Variants in ARHGEF3 observed in about 807,000 individuals in gnomAD.
The protein encoded by ARHGEF3 is Rho guanine nucleotide exchange factor 3.
ARHGEF3 carries 28 observed loss-of-function variants against 63.2 expected under a neutral mutation model. That is an observed-to-expected ratio of 0.44 (90% CI 0.33 to 0.61). The LOEUF is 0.61. Among genes scored for constraint, ARHGEF3 ranks in the 20% least tolerant of loss-of-function variants. ARHGEF3 has a pLI of 0.03. For synonymous variants in ARHGEF3, 266 were observed against 254.2 expected, an observed-to-expected ratio of 1.05 and a Z score of -0.44; for missense variants, 533 against 659.3, an observed-to-expected ratio of 0.81 and a Z score of 2.10.
intron 3 of ARHGEF3, among the ~76,000 whole-genome samples, chr3:56,917,861 G>A (rs188111642): frequency 1.2e-4 from 18 of 152,344 alleles, no homozygotes; most frequent in Admixed American, 3.3e-4. Context: ...AGAGAAAGGA[G>A]GAAGTGAAAT....
At chr3:56,890,626 C>T (rs893141630) in intron 3 of ARHGEF3, among the ~76,000 whole-genome samples, 2 of 152,136 alleles carry the variant, frequency 1.3e-5, no homozygotes, top group Admixed American at 6.6e-5. Context: ...TACCCAGGTC[C>T]CAGAGGACTA....
At chr3:57,002,424 C>CTATATATATATATA (rs55778548) in intron 2 of ARHGEF3, among the ~76,000 whole-genome samples, 13 of 62,774 alleles carry the variant, frequency 2.1e-4, no homozygotes, top group Non-Finnish European at 3.1e-4. Flanking sequence ...GTTCTAAGCA[C>CTATATATATATATA]TATATATATA....
intron 2 of ARHGEF3, among the ~76,000 whole-genome samples, chr3:57,004,801 G>A (rs780097106): frequency 4.0e-4 from 61 of 152,076 alleles, no homozygotes; most frequent in Non-Finnish European, 7.5e-4. Context: ...CCCTGTCTCC[G>A]TTCTAAAAAT....
intron 2 of ARHGEF3, among the ~76,000 whole-genome samples, chr3:56,757,377 G>A (rs894597235): frequency 3.6e-4 from 55 of 152,214 alleles, no homozygotes; most frequent in African/African-American, 1.3e-3. Context: ...AGGAGGCTGA[G>A]GCAGGAGAAT....
At chr3:56,944,507 TCATGATAAAGCTTGAA>T (rs367768331) in intron 3 of ARHGEF3, among the ~76,000 whole-genome samples, 4 of 150,566 alleles carry the variant, frequency 2.7e-5, no homozygotes, top group African/African-American at 7.3e-5. Flanking sequence ...TGCTGCAGTC[TCATGATAAAGCTTGAA>T]CGGATGGGGA....
intron 2 of ARHGEF3, among the ~76,000 whole-genome samples, chr3:57,010,148 T>C (rs562461031): frequency 1.3e-5 from 2 of 152,098 alleles, no homozygotes; most frequent in South Asian, 4.1e-4. Context: ...TTCTATACCC[T>C]CTTCCATTAT....
rs537667419 is a variant in ARHGEF3, at chr3:57,034,164, C to T, written c.62+924G>A. ...AGAGATGGGAGTCTTGCTGTGTTGC[C>T]CAGGCTGGAGTGCAGTGGCTATTCA... On this transcript the variant is annotated intron_variant, in intron 2 of 12. Coordinates refer to the ARHGEF3 transcript ENST00000338458. 3.3e-5 allele frequency among the ~76,000 whole-genome samples: 5 copies of T among 151,648 alleles called. No homozygotes were observed. The South Asian group carries it at 1.0e-3, about 32-fold the overall frequency.
chr3:57,011,344 A>T (rs1199059432), intron 2 of ARHGEF3, among the ~76,000 whole-genome samples: 1 of 152,202 alleles, frequency 6.6e-6, no homozygotes, highest in Non-Finnish European at 1.5e-5. Flanking sequence ...GGGCACACTG[A>T]TGACAGCAAT....
chr3:56,807,893 G>A (rs1213447091), intron 4 of ARHGEF3, among the ~76,000 whole-genome samples: 5 of 152,150 alleles, frequency 3.3e-5, no homozygotes, highest in Non-Finnish European at 7.3e-5. Context: ...GGAGGCCAAG[G>A]CGGGTGGATC....
chr3:56,811,513 A>G (rs1276998003), intron 4 of ARHGEF3, among the ~76,000 whole-genome samples: 3 of 152,194 alleles, frequency 2.0e-5, no homozygotes, highest in Non-Finnish European at 2.9e-5. Flanking sequence ...GTATGCTAGA[A>G]GCAGCATATT....
At chr3:57,003,401 CAAAAAA>C (rs60214570) in intron 2 of ARHGEF3, among the ~76,000 whole-genome samples, 18 of 43,730 alleles carry the variant, frequency 4.1e-4, no homozygotes, top group African/African-American at 1.1e-3. Flanking sequence ...GACGCCGTCT[CAAAAAA>C]AAAAAAAAAA....
At chr3:56,830,625 AT>A (rs2038900734) in intron 4 of ARHGEF3, among the ~76,000 whole-genome samples, 1 of 152,098 alleles carries the variant, frequency 6.6e-6, no homozygotes, top group Non-Finnish European at 1.5e-5. Context: ...ACAAATCCCA[AT>A]TCCTCACCAC....
chr3:56,812,012 A>AGGGACC (rs1489763757), intron 4 of ARHGEF3, among the ~76,000 whole-genome samples: 16 of 152,236 alleles, frequency 1.1e-4, no homozygotes, highest in Admixed American at 9.2e-4. Flanking sequence ...ACAAGGGGAC[A>AGGGACC]GGGACCATAT....
At chr3:56,907,775 C>A (rs1367762456) in intron 3 of ARHGEF3, among the ~76,000 whole-genome samples, 1 of 152,122 alleles carries the variant, frequency 6.6e-6, no homozygotes, top group African/African-American at 2.4e-5. Flanking sequence ...AACAGAAAAC[C>A]AAATACTGTA....
At chr3:57,023,409 C>G (rs538523061) in intron 2 of ARHGEF3, among the ~76,000 whole-genome samples, 17 of 152,232 alleles carry the variant, frequency 1.1e-4, no homozygotes, top group Non-Finnish European at 2.4e-4. Flanking sequence ...TACAATACCC[C>G]CAGCTGGTTA....
intron 3 of ARHGEF3, among the ~76,000 whole-genome samples, chr3:56,890,957 T>C (rs1403704251): frequency 6.6e-6 from 1 of 152,194 alleles, no homozygotes; most frequent in African/African-American, 2.4e-5. Flanking sequence ...CAAACAACTT[T>C]GGTGGTTTCA....
intron 9 of ARHGEF3, among the ~76,000 whole-genome samples, chr3:56,730,090 G>C (rs2033025667): frequency 6.6e-6 from 1 of 152,030 alleles, no homozygotes; most frequent in Admixed American, 6.5e-5. Flanking sequence ...TAAATCCCCA[G>C]GCCCTTTTTT....
upstream of ARHGEF3, among the ~76,000 whole-genome samples, chr3:56,804,241 C>T (rs2037785427): frequency 6.6e-6 from 1 of 152,162 alleles, no homozygotes; most frequent in Non-Finnish European, 1.5e-5. Context: ...AATCTTTTTC[C>T]TCCTCATGTG....
chr3:56,960,074 G>T (rs1429223810), intron 2 of ARHGEF3, among the ~76,000 whole-genome samples: 2 of 152,214 alleles, frequency 1.3e-5, no homozygotes, highest in South Asian at 2.1e-4. Flanking sequence ...AAAGCATGTA[G>T]TGACCAGTGT....
Sources: allele counts gnomAD v4.1 joint callset (sites outside exome capture counted in the v4.1 genomes callset), GRCh38; gene constraint gnomAD v4.1.1; transcripts MANE v1.5; gene names NCBI Gene and HGNC (gene_info 2026-07-23, HGNC 2026-07-21).